The following FRAS1 variants were observed in gnomAD, a reference collection of about 807,000 sequenced individuals.
The protein encoded by FRAS1 is Fraser extracellular matrix complex subunit 1.
A neutral mutation model predicts 435.2 loss-of-function variants in FRAS1; 290 were observed. The observed-to-expected ratio is 0.67, with a 90% CI of 0.61 to 0.73. The LOEUF (loss-of-function observed/expected upper bound fraction) is 0.73, where lower values mean the gene tolerates loss of function less well. Ranked by LOEUF, FRAS1 falls within the 30% of genes least tolerant of loss-of-function variation. The probability of loss-of-function intolerance (pLI) is 0.00; values close to 1 mark genes in which losing one functional copy is unlikely to be tolerated. For missense variants in FRAS1, 4,860 were observed against 5,001.5 expected, an observed-to-expected ratio of 0.97 and a Z score of 0.85; for synonymous variants, 1,800 against 1,851.0, an observed-to-expected ratio of 0.97 and a Z score of 0.71.
chr4:78,299,337 T>C (rs1173247955), intron 14 of FRAS1, among the ~76,000 whole-genome samples: 2 of 152,130 alleles, frequency 1.3e-5, no homozygotes, highest in Non-Finnish European at 2.9e-5. Context: ...TAAAAATATC[T>C]AACAAGCTGT....
At chr4:78,457,335 G>A (rs529659349) in intron 47 of FRAS1, among the ~76,000 whole-genome samples, 27 of 152,268 alleles carry the variant, frequency 1.8e-4, no homozygotes, top group Non-Finnish European at 3.4e-4. Context: ...GCAGTGGCAG[G>A]GGGTACCAGA....
chr4:78,473,225 TAAAG>T (rs778989875), intron 52 of FRAS1, among the ~76,000 whole-genome samples: 39 of 152,152 alleles, frequency 2.6e-4, no homozygotes, highest in Non-Finnish European at 1.3e-4. Flanking sequence ...TCTCTGTACT[TAAAG>T]ACAGATCTTT....
chr4:78,423,554 T>C (rs1733880371), intron 34 of FRAS1, among the ~76,000 whole-genome samples: 2 of 152,228 alleles, frequency 1.3e-5, no homozygotes, highest in African/African-American at 4.8e-5. Context: ...TACACAAAAG[T>C]GGTGATTTCT....
In FRAS1 at chr4:78,450,327, G is replaced by A. The variant is rs2109834866; in HGVS notation, c.6451G>A (p.Asp2151Asn). The change falls in exon 45 of 74, where the codon GAC becomes AAC. Residue 2151 changes from aspartate to asparagine, a missense_variant. By Grantham distance (23) the Asp-to-Asn change is conservative. Coordinates refer to ENST00000512123, the MANE Select transcript of FRAS1 (RefSeq NM_025074.7). ...CCCCATCCGAAGTTTCACCCAGGCAGACATTAGCCAAGGTCAGCCAGTTCT... is the reference window on the plus strand; with the variant it reads ...CCCCATCCGAAGTTTCACCCAGGCAAACATTAGCCAAGGTCAGCCAGTTCT... ...KGPIRSFTQA[D>N]ISQGHVEYSH... 1 of 1,613,800 alleles carries A rather than the reference G, an allele frequency of 6.2e-7. No homozygotes were observed. Among genetic ancestry groups the A allele is most frequent in the East Asian group, 2.2e-5 (1 of 44,880 alleles).
chr4:78,273,754 T>C (rs901496897), intron 9 of FRAS1, among the ~76,000 whole-genome samples: 2 of 152,194 alleles, frequency 1.3e-5, no homozygotes, highest in Admixed American at 6.5e-5. Context: ...ATGTTCCTCA[T>C]GGATATTGGT....
At position 78,284,393 on chromosome 4, in the gene FRAS1, C is replaced by T. The variant is rs370606261; in HGVS notation, c.1256-12C>T. 36 of 1,613,506 alleles carry T rather than the reference C, an allele frequency of 2.2e-5. No homozygotes were observed. The highest frequency in any genetic ancestry group is 3.3e-5 in the Admixed American group (2 of 59,990). The stretch of plus-strand genomic sequence containing the variant: ...TTCACAGAGTTCTCCCCTTCTTTGT[C>T]CTTGATTTCAGTTCATTGCCATCCA... On this transcript the variant is annotated splice_polypyrimidine_tract_variant and intron_variant, in intron 12 of 73. Coordinates refer to ENST00000512123, the MANE Select transcript of FRAS1 (RefSeq NM_025074.7).
chr4:78,173,021 T>C (rs1293070372), intron 2 of FRAS1, among the ~76,000 whole-genome samples: 1 of 151,628 alleles, frequency 6.6e-6, no homozygotes, highest in Non-Finnish European at 1.5e-5. Flanking sequence ...AATGTTATTT[T>C]AGAAGATGGG....
At chr4:78,200,304 A>G (rs949976619) in intron 2 of FRAS1, among the ~76,000 whole-genome samples, 5 of 152,230 alleles carry the variant, frequency 3.3e-5, no homozygotes, top group Non-Finnish European at 4.4e-5. Flanking sequence ...GTTGAACCAC[A>G]AACAGTTCCC....
chr4:78,312,029 A>G (rs1174145590), intron 15 of FRAS1, among the ~76,000 whole-genome samples: 2 of 151,890 alleles, frequency 1.3e-5, no homozygotes, highest in Non-Finnish European at 2.9e-5. Context: ...TGCCTTTGTT[A>G]AACAATAATC....
chr4:78,529,368 A>G (rs1476306717), intron 70 of FRAS1, among the ~76,000 whole-genome samples: 1 of 152,132 alleles, frequency 6.6e-6, no homozygotes, highest in Non-Finnish European at 1.5e-5. Flanking sequence ...TGAAGACTAT[A>G]TATATATCAT....
At chr4:78,179,753 C>A (rs1394271658) in intron 2 of FRAS1, among the ~76,000 whole-genome samples, 1 of 152,102 alleles carries the variant, frequency 6.6e-6, no homozygotes, top group Non-Finnish European at 1.5e-5. Context: ...ATGGAACTGG[C>A]AGCCACTTGT....
chr4:78,067,466 A>G (rs1471585365), intron 2 of FRAS1, among the ~76,000 whole-genome samples: 1 of 152,018 alleles, frequency 6.6e-6, no homozygotes, highest in Non-Finnish European at 1.5e-5. Context: ...TGATCAAGTT[A>G]AAAGGAGAAA....
chr4:78,430,444 A>G, intron 37 of FRAS1, 27 bp downstream of exon 37: 1 of 1,597,518 alleles, frequency 6.3e-7, no homozygotes, highest in East Asian at 2.2e-5. Context: ...ACACTCTGTC[A>G]CTGACCTGCT....
At chr4:78,099,501 A>G (rs1741997342) in intron 2 of FRAS1, among the ~76,000 whole-genome samples, 1 of 152,218 alleles carries the variant, frequency 6.6e-6, no homozygotes, top group African/African-American at 2.4e-5. Context: ...TAGGAGGTAA[A>G]TTAAAGATGT....
chr4:78,419,583 G>A (rs552707577), intron 33 of FRAS1, among the ~76,000 whole-genome samples: 1 of 152,260 alleles, frequency 6.6e-6, no homozygotes, highest in Admixed American at 6.5e-5. Context: ...GGAGATTTGG[G>A]GCCCTGCCAT....
intron 29 of FRAS1, among the ~76,000 whole-genome samples, chr4:78,397,344 C>G (rs908126646): frequency 1.3e-5 from 2 of 152,184 alleles, no homozygotes; most frequent in Non-Finnish European, 2.9e-5. Flanking sequence ...AAGCAGGGTG[C>G]TGAGAGCCTT....
intron 20 of FRAS1, among the ~76,000 whole-genome samples, chr4:78,356,121 G>T (rs1261729004): frequency 6.6e-6 from 1 of 152,128 alleles, no homozygotes; most frequent in East Asian, 1.9e-4. Flanking sequence ...TGTTTAGATT[G>T]TATAATTAAT....
At chr4:78,225,787 A>G (rs1724244040) in intron 2 of FRAS1, among the ~76,000 whole-genome samples, 1 of 152,198 alleles carries the variant, frequency 6.6e-6, no homozygotes, top group Non-Finnish European at 1.5e-5. Flanking sequence ...TTTATTCTTT[A>G]AGACATTCAG....
chr4:78,511,870 T>C (rs976444692), intron 64 of FRAS1, among the ~76,000 whole-genome samples: 1 of 152,202 alleles, frequency 6.6e-6, no homozygotes, highest in African/African-American at 2.4e-5. Flanking sequence ...GCATGGCATC[T>C]CTTCTAGGGA....
Sources: gnomAD v4.1 joint callset for allele counts (sites outside exome capture counted in the v4.1 genomes callset) on GRCh38, gnomAD v4.1.1 for gene constraint, MANE v1.5 for transcripts, NCBI Gene and HGNC (gene_info 2026-07-23, HGNC 2026-07-21) for gene names.